RYR2: variants seen among roughly 807,000 people sequenced by gnomAD.
RYR2 encodes the protein ryanodine receptor 2, also known as cardiac muscle ryanodine receptor-calcium release channel.
A neutral mutation model predicts 601.1 loss-of-function variants in RYR2; 227 were observed. The observed-to-expected ratio is 0.38, with a 90% confidence interval of 0.34 to 0.42. The LOEUF (loss-of-function observed/expected upper bound fraction) is 0.42. RYR2 is among the 10% of genes least tolerant of loss of function. The pLI, the probability that RYR2 is intolerant of heterozygous loss-of-function variation, is 1.00. For synonymous variants in RYR2, 2,223 were observed against 2,175.1 expected (o/e 1.02, Z -0.61); for missense variants, 4,646 against 6,156.5 (o/e 0.75, Z 8.21).
chr1:237,390,232 G>A (rs973065436), intron 10 of RYR2, among the ~76,000 whole-genome samples: 3 of 146,910 alleles, frequency 2.0e-5, no homozygotes, highest in African/African-American at 8.2e-5. Flanking sequence ...GACAGACTAA[G>A]TGTTTCTTAG....
At chr1:237,772,296 C>A (rs2149315522) in intron 86 of RYR2, among the ~76,000 whole-genome samples, 196 bp downstream of exon 86, 1 of 152,272 alleles carries the variant, frequency 6.6e-6, no homozygotes, top group African/African-American at 2.4e-5. Flanking sequence ...CCTACTTTTG[C>A]TCATTATTTT....
At chr1:237,309,502 C>A (rs1694286307) in intron 2 of RYR2, among the ~76,000 whole-genome samples, 1 of 152,250 alleles carries the variant, frequency 6.6e-6, no homozygotes, top group Admixed American at 6.5e-5. Context: ...GGTGTGTATG[C>A]AATCCTCCAG....
At chr1:237,141,786 C>T (rs1313285231) in intron 1 of RYR2, among the ~76,000 whole-genome samples, 4 of 152,150 alleles carry the variant, frequency 2.6e-5, no homozygotes, top group East Asian at 3.9e-4. Flanking sequence ...GCTATGTTCC[C>T]GGATCCTCTC....
At chr1:237,600,983 G>C (rs1413077387) in intron 34 of RYR2, among the ~76,000 whole-genome samples, 1 of 152,182 alleles carries the variant, frequency 6.6e-6, no homozygotes, top group East Asian at 1.9e-4. Flanking sequence ...CCCATACACT[G>C]TTGGTGGGAA....
chr1:237,090,128 TG>T (rs1396569625), intron 1 of RYR2, among the ~76,000 whole-genome samples: 5 of 152,092 alleles, frequency 3.3e-5, no homozygotes, highest in Admixed American at 6.5e-5. Flanking sequence ...CAGAACAGCA[TG>T]GGGGAAACCG....
Position 237,496,662 on chromosome 1 carries a change from C to G in RYR2, c.2113C>G (p.Pro705Ala), listed in dbSNP as rs879002692. 1.9e-6 allele frequency: 3 copies of G among 1,613,958 alleles called. No homozygotes were observed. The highest frequency in any genetic ancestry group is 2.2e-5 in the South Asian group (2 of 91,072). The part of the protein sequence containing the change: ...VGWASTEGYS[P>A]YPGGGEEWGG... ...CTGGGCTTCCACTGAAGGATATTCT[C>G]CCTACCCTGGAGGGGGCGAAGAGTG... Residue 705 changes from proline to alanine, a missense_variant, in exon 20 of 105, where the codon CCC becomes GCC. Physicochemically the swap from Pro to Ala is conservative, Grantham distance 27. Transcript: ENST00000366574.
At chr1:237,795,877 CAT>C (rs1186991161) in intron 96 of RYR2, among the ~76,000 whole-genome samples, 15 of 96,544 alleles carry the variant, frequency 1.6e-4, no homozygotes, top group South Asian at 3.7e-4. Flanking sequence ...TATATATACA[CAT>C]ATATATATAC....
chr1:237,495,553 T>C (rs969079040), intron 19 of RYR2, among the ~76,000 whole-genome samples: 26 of 152,236 alleles, frequency 1.7e-4, no homozygotes, highest in Admixed American at 2.0e-4. Flanking sequence ...ATTTCCTTCA[T>C]GATTCTTTAT....
rs180722952 is a variant in RYR2, at chr1:237,532,554, G to A, written c.2906+2044G>A. On this transcript the variant is annotated intron_variant, in intron 25 of 104. Transcript: ENST00000366574. The stretch of plus-strand genomic sequence containing the variant: ...TTTCCAAACCACTCTCAGGTTTTTT[G>A]GAAAGTATCCAAAAAAGGCATTATT... 2.3e-3 allele frequency among the ~76,000 whole-genome samples: 352 copies of A among 151,454 alleles called. 1 individual carries two copies. Among genetic ancestry groups the A allele is most frequent in the African/African-American group, 8.1e-3 (336 of 41,282 alleles).
chr1:237,665,155 C>G (rs1684189288), intron 56 of RYR2, among the ~76,000 whole-genome samples: 1 of 152,074 alleles, frequency 6.6e-6, no homozygotes, highest in Admixed American at 6.6e-5. Flanking sequence ...AATCCCAGCA[C>G]TTTGGGAGGC....
At chr1:237,393,444 A>G (rs1702557395) in intron 10 of RYR2, among the ~76,000 whole-genome samples, 1 of 152,210 alleles carries the variant, frequency 6.6e-6, no homozygotes. Context: ...ATGCCTCTCC[A>G]TCTGGCTTAG....
intron 17 of RYR2, among the ~76,000 whole-genome samples, chr1:237,472,683 TAA>T (rs34226963): frequency 2.7e-5 from 4 of 146,296 alleles, no homozygotes; most frequent in African/African-American, 2.5e-5. Context: ...TATATTTTTG[TAA>T]AAAAAAAAAA....
At chr1:237,470,473 C>T (rs2150309542) in intron 17 of RYR2, among the ~76,000 whole-genome samples, 1 of 151,942 alleles carries the variant, frequency 6.6e-6, no homozygotes, top group East Asian at 1.9e-4. Flanking sequence ...TAGTGGAGGA[C>T]AAAAATTTGA....
At chr1:237,825,214 C>G (rs1008515210) in intron 101 of RYR2, among the ~76,000 whole-genome samples, 1 of 152,142 alleles carries the variant, frequency 6.6e-6, no homozygotes, top group Non-Finnish European at 1.5e-5. Context: ...CCAGACAATC[C>G]TAAGCAGAAA....
rs928421124 is a variant in RYR2, at chr1:237,242,198, T to TTTTTTTTTTG, written c.49-28296_49-28295insTTTTTTGTTT. On this transcript the variant is annotated intron_variant, in intron 1 of 104. Coordinates refer to ENST00000366574, the MANE Select transcript of RYR2 (RefSeq NM_001035.3). ...TAAACAGTATTTTGATCACTGTTTT[T>TTTTTTTTTTG]TTTGTTTGTTTGTTTGTTTGTTTGT... Among the ~76,000 whole-genome samples, 469 of 150,578 alleles carry TTTTTTTTTTG rather than the reference T, an allele frequency of 3.1e-3. 6 individuals carry two copies. Among genetic ancestry groups the TTTTTTTTTTG allele is most frequent in the African/African-American group, 0.011 (439 of 40,846 alleles).
At chr1:237,250,094 ATCTG>A (rs1687295902) in intron 1 of RYR2, among the ~76,000 whole-genome samples, 1 of 152,220 alleles carries the variant, frequency 6.6e-6, no homozygotes, top group African/African-American at 2.4e-5. Flanking sequence ...GGATGGACTA[ATCTG>A]TGTGAAGGTA....
intron 27 of RYR2, among the ~76,000 whole-genome samples, chr1:237,556,909 A>AAAC (rs1559022538): frequency 5.9e-5 from 8 of 134,586 alleles, no homozygotes; most frequent in East Asian, 4.5e-4. Context: ...AAAAAAAAAA[A>AAAC]CCCTCTCAGT....
chr1:237,376,329 A>G (rs1701030702), intron 7 of RYR2, among the ~76,000 whole-genome samples: 2 of 152,186 alleles, frequency 1.3e-5, no homozygotes, highest in South Asian at 4.1e-4. Flanking sequence ...TAATTCACTT[A>G]TTCACTCATG....
intron 44 of RYR2, 100 bp downstream of exon 44, chr1:237,635,092 G>A: frequency 2.1e-6 from 2 of 933,762 alleles, no homozygotes; most frequent in Admixed American, 3.4e-5. Flanking sequence ...AAGTCATTGT[G>A]GTTTTGCAAT....
Sources: allele counts gnomAD v4.1 joint callset (sites outside exome capture counted in the v4.1 genomes callset), GRCh38; gene constraint gnomAD v4.1.1; transcripts MANE v1.5; gene names NCBI Gene and HGNC (gene_info 2026-07-23, HGNC 2026-07-21).